The following ERICH6B variants were observed in gnomAD, a reference collection of about 807,000 sequenced individuals.
The protein encoded by ERICH6B is glutamate-rich protein 6B.
ERICH6B carries 69 observed loss-of-function variants against 80.0 expected under a neutral mutation model. The ratio of observed to expected loss-of-function variants is 0.86; its 90% CI spans 0.71 to 1.05. ERICH6B has a LOEUF of 1.05. ERICH6B is among the 50% of genes least tolerant of loss of function. The pLI is 0.00. For missense variants in ERICH6B, 754 were observed against 796.1 expected, an observed-to-expected ratio of 0.95 and a Z score of 0.64; for synonymous variants, 283 against 291.9, an observed-to-expected ratio of 0.97 and a Z score of 0.31.
At chr13:45,582,237 G>A (rs1016191892) in intron 5 of ERICH6B, among the ~76,000 whole-genome samples, 5 of 152,156 alleles carry the variant, frequency 3.3e-5, no homozygotes, top group Admixed American at 6.5e-5. Context: ...CAAACTGAAC[G>A]CGCCATTCCA....
chr13:45,597,833 T>G (rs1021443465), intron 2 of ERICH6B, among the ~76,000 whole-genome samples: 1 of 152,192 alleles, frequency 6.6e-6, no homozygotes, highest in African/African-American at 2.4e-5. Flanking sequence ...GTGTTATTCT[T>G]TTTTGAAAAT....
intron 8 of ERICH6B, among the ~76,000 whole-genome samples, chr13:45,571,159 C>T (rs4640075): frequency 0.088 from 13,463 of 152,146 alleles, 1,006 homozygotes; most frequent in African/African-American, 0.2. Context: ...GCTTGGGGAA[C>T]AGAGTGGCAT....
At chr13:45,611,800 G>A (rs1474262519) in intron 1 of ERICH6B, among the ~76,000 whole-genome samples, 2 of 152,176 alleles carry the variant, frequency 1.3e-5, no homozygotes, top group Non-Finnish European at 2.9e-5. Context: ...CCATGACACT[G>A]TAATAATAAG....
chr13:45,574,809 G>GGC (rs1010754784), intron 8 of ERICH6B, 33 bp downstream of exon 8: 20 of 244,142 alleles, frequency 8.2e-5, no homozygotes, highest in African/African-American at 7.1e-4. Context: ...GGAGGAAGCT[G>GGC]GGGGGGGGGT....
At chr13:45,602,447 C>T (rs756598024) in intron 2 of ERICH6B, among the ~76,000 whole-genome samples, 2 of 152,220 alleles carry the variant, frequency 1.3e-5, no homozygotes, top group Non-Finnish European at 2.9e-5. Context: ...CAGAAGTCCT[C>T]GGATTGAATC....
chr13:45,586,795 C>T (rs1022108324), intron 5 of ERICH6B, among the ~76,000 whole-genome samples: 15 of 151,990 alleles, frequency 9.9e-5, no homozygotes, highest in Non-Finnish European at 1.5e-4. Flanking sequence ...GGGGAAGAGA[C>T]GGAAAGATGG....
intron 7 of ERICH6B, among the ~76,000 whole-genome samples, chr13:45,576,684 C>T (rs1039621276): frequency 6.6e-6 from 1 of 152,090 alleles, no homozygotes; most frequent in Admixed American, 6.5e-5. Context: ...TCAGCAACTT[C>T]CCATCATTTG....
Position 45,563,127 on chromosome 13 carries a change from T to C in ERICH6B, c.1249+600A>G, listed in dbSNP as rs78113256. Among the ~76,000 whole-genome samples, 565 of 152,288 alleles carry C rather than the reference T, an allele frequency of 3.7e-3. 6 individuals are homozygous for C. The highest frequency in any genetic ancestry group is 0.013 in the African/African-American group (542 of 41,544). Reference sequence around the variant, plus strand: ...GGTAACTTCCATGATTTGCAAATCTTAATAGCTGGACACCAAATGCCTTTG... The same window carrying C: ...GGTAACTTCCATGATTTGCAAATCTCAATAGCTGGACACCAAATGCCTTTG... On this transcript the variant is annotated intron_variant, in intron 10 of 14. Transcript: ENST00000298738.
At chr13:45,609,257 C>T (rs931334695) in intron 1 of ERICH6B, among the ~76,000 whole-genome samples, 3 of 152,242 alleles carry the variant, frequency 2.0e-5, no homozygotes, top group African/African-American at 4.8e-5. Context: ...CCCACATCCT[C>T]TCCTGCCCTT....
chr13:45,577,366 C>A (rs965036450), intron 7 of ERICH6B, among the ~76,000 whole-genome samples: 4 of 133,960 alleles, frequency 3.0e-5, no homozygotes, highest in African/African-American at 1.1e-4. Flanking sequence ...TCACTGCAAT[C>A]TCCGCCTCCC....
intron 1 of ERICH6B, among the ~76,000 whole-genome samples, chr13:45,607,917 G>A (rs1257575733): frequency 6.6e-6 from 1 of 152,168 alleles, no homozygotes; most frequent in Non-Finnish European, 1.5e-5. Context: ...TCACAGGGAC[G>A]CCACAGTATA....
intron 1 of ERICH6B, among the ~76,000 whole-genome samples, chr13:45,609,209 T>A (rs538342577): frequency 6.6e-6 from 1 of 152,226 alleles, no homozygotes; most frequent in Non-Finnish European, 1.5e-5. Flanking sequence ...TGGCTTCCAC[T>A]TCCCTTTGAA....
At chr13:45,577,440 T>C (rs992508612) in intron 7 of ERICH6B, among the ~76,000 whole-genome samples, 2 of 151,938 alleles carry the variant, frequency 1.3e-5, no homozygotes, top group Admixed American at 6.6e-5. Flanking sequence ...TGTGCCACCA[T>C]GCCAAGCTAA....
chr13:45,606,569 TTG>T (rs1384907119), intron 2 of ERICH6B, among the ~76,000 whole-genome samples: 5 of 83,558 alleles, frequency 6.0e-5, no homozygotes, highest in Non-Finnish European at 8.0e-5. Flanking sequence ...TTTTTTTTTT[TTG>T]GAGACAGAGT....
At chr13:45,590,527 A>G (rs550077124) in intron 4 of ERICH6B, 122 bp downstream of exon 4, 1 of 900,358 alleles carries the variant, frequency 1.1e-6, no homozygotes, top group South Asian at 1.8e-5. Flanking sequence ...AGGAACCCCC[A>G]CTAAACTCCT....
rs1328863961 is a variant in ERICH6B at position 45,561,352 on chromosome 13, T to G, written c.1407+17A>C. On this transcript the variant is annotated intron_variant, in intron 11 of 14. Coordinates refer to ENST00000298738, the MANE Select transcript of ERICH6B (RefSeq NM_182542.3). ...TCCTGTGCAAAGTAAAAAACAGCAA[T>G]GTACTGTCCCTCTTACCACTGTCTT... 2 of 1,548,676 alleles carry G rather than the reference T, an allele frequency of 1.3e-6. No individual in the cohort carries two copies. Among genetic ancestry groups the G allele is most frequent in the Admixed American group, 2.0e-5 (1 of 50,658 alleles).
chr13:45,550,668 C>T lies in ERICH6B; in HGVS notation c.1408-352G>A, dbSNP rs922069745. Reference sequence around the variant, plus strand: ...CTGGAAGTCTGAAATCAAAGGGTCCCCAGGGTTGGTTCCTTCTAGAGGTTT... The same window carrying T: ...CTGGAAGTCTGAAATCAAAGGGTCCTCAGGGTTGGTTCCTTCTAGAGGTTT... On this transcript the variant is annotated intron_variant, in intron 11 of 14. Transcript: ENST00000298738. Among the ~76,000 whole-genome samples the T allele has an allele frequency of 2.0e-5, 3 of 152,140 alleles. No individual in the cohort carries two copies. The East Asian group carries it at 5.8e-4, about 29-fold the overall frequency.
In ERICH6B at chr13:45,614,721, A is replaced by G. The variant is rs116953883; in HGVS notation, c.-111+964T>C. On this transcript the variant is annotated intron_variant, in intron 1 of 14. Transcript: ENST00000298738. ...TTCTGTAAAGGACTCCAAGGATTCC[A>G]TGGTGCTCTGCAAACGTAATGTGTT... Among the ~76,000 whole-genome samples the G allele has an allele frequency of 2.6e-5, 4 of 152,368 alleles. No individual in the cohort carries two copies. In the East Asian group the frequency reaches 5.8e-4, roughly 22 times the overall value.
At chr13:45,568,532 G>A in intron 8 of ERICH6B, 81 bp from the exon 9 acceptor site, 10 of 1,311,664 alleles carry the variant, frequency 7.6e-6, no homozygotes, top group Non-Finnish European at 1.0e-5. Flanking sequence ...GACTCTCAAA[G>A]GTACTGTGTG....
Sources: gnomAD v4.1 joint callset for allele counts (sites outside exome capture counted in the v4.1 genomes callset) on GRCh38, gnomAD v4.1.1 for gene constraint, MANE v1.5 for transcripts, NCBI Gene and HGNC (gene_info 2026-07-23, HGNC 2026-07-21) for gene names.